The following KIT variants were observed in gnomAD, a reference collection of about 807,000 sequenced individuals.
The protein encoded by KIT is KIT proto-oncogene, receptor tyrosine kinase.
KIT carries 16 observed loss-of-function variants against 105.7 expected under a neutral mutation model. The observed-to-expected ratio is 0.15, with a 90% CI of 0.10 to 0.23. The LOEUF (loss-of-function observed/expected upper bound fraction) is 0.23. Among genes scored for constraint, KIT ranks in the 10% least tolerant of loss-of-function variants. The pLI, the probability that KIT is intolerant of heterozygous loss-of-function variation, is 1.00. For missense variants in KIT, 858 were observed against 1,213.8 expected (o/e 0.71, Z 4.36); for synonymous variants, 438 against 441.1 (o/e 0.99, Z 0.09).
At chr4:54,674,536 C>G (rs943814774) in intron 1 of KIT, among the ~76,000 whole-genome samples, 1 of 152,164 alleles carries the variant, frequency 6.6e-6, no homozygotes, top group African/African-American at 2.4e-5. Flanking sequence ...GCTGCCACCA[C>G]CATCTTCCCA....
chr4:54,686,231 C>A (rs1719305247), intron 1 of KIT, among the ~76,000 whole-genome samples: 1 of 151,216 alleles, frequency 6.6e-6, no homozygotes, highest in African/African-American at 2.4e-5. Context: ...AAAAAAAAAA[C>A]TAAATATGCT....
chr4:54,673,950 T>A (rs1354482980), intron 1 of KIT, among the ~76,000 whole-genome samples: 1 of 152,196 alleles, frequency 6.6e-6, no homozygotes, highest in African/African-American at 2.4e-5. Context: ...TTTGTATTTT[T>A]AGTAGAGACA....
chr4:54,715,976 T>C (rs564725959), intron 7 of KIT, among the ~76,000 whole-genome samples: 1 of 152,346 alleles, frequency 6.6e-6, no homozygotes, highest in Non-Finnish European at 1.5e-5. Flanking sequence ...CTTCAACTTT[T>C]TTGGAAGATG....
intron 1 of KIT, among the ~76,000 whole-genome samples, chr4:54,668,466 C>T (rs894902719): frequency 6.6e-6 from 1 of 152,204 alleles, no homozygotes; most frequent in Admixed American, 6.5e-5. Context: ...GGTGTTAGAA[C>T]ATTTCAGAGG....
chr4:54,666,677 T>A (rs1244167379), intron 1 of KIT, among the ~76,000 whole-genome samples: 1 of 152,162 alleles, frequency 6.6e-6, no homozygotes, highest in Non-Finnish European at 1.5e-5. Flanking sequence ...ACCAAGTAAT[T>A]GTCATTTTGA....
At chr4:54,712,633 CCAG>C (rs1577974007) in intron 7 of KIT, among the ~76,000 whole-genome samples, 1 of 152,158 alleles carries the variant, frequency 6.6e-6, no homozygotes, top group African/African-American at 2.4e-5. Context: ...ATTTGCCATT[CCAG>C]CAGGCTCAGT....
chr4:54,698,560 G>C lies in KIT; in HGVS notation c.614G>C (p.Arg205Thr). The change falls in exon 3 of 21, where the codon AGG (arginine) becomes ACG (threonine). Residue 205 changes from arginine (R) to threonine (T), a missense_variant. Around this residue, in one of 7 missense-constraint regions of KIT, gnomAD observed 401 missense variants for 601.0 expected, o/e 0.67. Coordinates refer to ENST00000288135, the MANE Select transcript of KIT (RefSeq NM_000222.3). ...VLSEKFILKV[R>T]PAFKAVPVVS... The stretch of plus-strand genomic sequence containing the variant: ...TCGGAAAAATTCATCCTGAAAGTGA[G>C]GCCAGGTACTGGCTCTTTCTTATCT... 6.2e-7 allele frequency: 1 copy of C among 1,614,134 alleles called. No individual in the cohort carries two copies. The highest frequency in any genetic ancestry group is 8.5e-7 in the Non-Finnish European group (1 of 1,180,000).
At chr4:54,692,252 C>T (rs1302844850) in intron 1 of KIT, among the ~76,000 whole-genome samples, 1 of 152,166 alleles carries the variant, frequency 6.6e-6, no homozygotes, top group Non-Finnish European at 1.5e-5. Context: ...AAAAGGCTTT[C>T]CTGCTTTTCT....
At chr4:54,672,935 CATCTT>C (rs1718214957) in intron 1 of KIT, among the ~76,000 whole-genome samples, 1 of 152,152 alleles carries the variant, frequency 6.6e-6, no homozygotes, top group Non-Finnish European at 1.5e-5. Flanking sequence ...ATTGCTGGCC[CATCTT>C]ATCTTTGCTT....
intron 1 of KIT, among the ~76,000 whole-genome samples, chr4:54,690,064 G>A (rs983263561): frequency 7.2e-6 from 1 of 138,454 alleles, no homozygotes; most frequent in East Asian, 2.0e-4. Flanking sequence ...TTTGTGGGGG[G>A]GGGGGGCTGT....
rs2109661449 is a variant in KIT, at chr4:54,695,630, C to T, written c.186C>T (p.Gly62=). Residue 62 remains glycine, a synonymous_variant, in exon 2 of 21, where the codon GGC becomes GGT. Coordinates refer to ENST00000288135, the MANE Select transcript of KIT (RefSeq NM_000222.3). ...TTAGGCTGTTATGCACTGATCCGGG[C>T]TTTGTCAAATGGACTTTTGAGATCC... is the stretch of plus-strand genomic sequence containing the variant. ...DEIRLLCTDP[G]FVKWTFEILD... is the part of the protein sequence containing the mutation. 6.2e-7 allele frequency: 1 copy of T among 1,614,222 alleles called. No homozygotes were observed. Among genetic ancestry groups the T allele is most frequent in the South Asian group, 1.1e-5 (1 of 91,088 alleles).
intron 1 of KIT, among the ~76,000 whole-genome samples, chr4:54,679,315 G>A (rs1045495906): frequency 2.4e-4 from 36 of 152,122 alleles, no homozygotes; most frequent in African/African-American, 8.2e-4. Context: ...CTTGTTATCC[G>A]GAGCTGTAGG....
At chr4:54,670,266 T>C (rs1718015800) in intron 1 of KIT, among the ~76,000 whole-genome samples, 1 of 152,226 alleles carries the variant, frequency 6.6e-6, no homozygotes, top group Admixed American at 6.5e-5. Context: ...CTCCAAGGAC[T>C]GGAGATTCTG....
chr4:54,658,601 C>A (rs551404557), intron 1 of KIT, among the ~76,000 whole-genome samples: 1 of 152,114 alleles, frequency 6.6e-6, no homozygotes, highest in Non-Finnish European at 1.5e-5. Flanking sequence ...GCCTTCCAAC[C>A]GCAGGCGCTC....
intron 1 of KIT, among the ~76,000 whole-genome samples, chr4:54,678,056 C>CGGTA (rs1718610150): frequency 6.6e-6 from 1 of 152,072 alleles, no homozygotes; most frequent in Non-Finnish European, 1.5e-5. Flanking sequence ...TCTCTTATAC[C>CGGTA]TATCGTAAAC....
intron 1 of KIT, 60 bp from the exon 2 acceptor site, chr4:54,695,452 A>C (rs1719989254): frequency 6.4e-7 from 1 of 1,574,602 alleles, no homozygotes; most frequent in African/African-American, 1.3e-5. Context: ...TATTGGAAGA[A>C]GTGCTTTATT....
chr4:54,678,640 C>T (rs1718689524), intron 1 of KIT, among the ~76,000 whole-genome samples: 1 of 152,106 alleles, frequency 6.6e-6, no homozygotes, highest in South Asian at 2.1e-4. Context: ...AAAACCCACA[C>T]CTGTTTTCAT....
intron 1 of KIT, among the ~76,000 whole-genome samples, chr4:54,686,988 T>C (rs561437642): frequency 6.6e-5 from 10 of 152,234 alleles, no homozygotes; most frequent in Non-Finnish European, 1.3e-4. Flanking sequence ...CTTTTAAAGA[T>C]TGGAGGTACC....
chr4:54,703,648 A>T (rs1720592947), intron 4 of KIT, 76 bp from the exon 5 acceptor site: 1 of 1,259,330 alleles, frequency 7.9e-7, no homozygotes, highest in Non-Finnish European at 1.1e-6. Flanking sequence ...GCTATTTTTA[A>T]TTTATCTAGG....
Sources: allele counts gnomAD v4.1 joint callset (sites outside exome capture counted in the v4.1 genomes callset), GRCh38; gene constraint gnomAD v4.1.1; regional missense constraint gnomAD v4.1.1; transcripts MANE v1.5; gene names NCBI Gene and HGNC (gene_info 2026-07-23, HGNC 2026-07-21).